The following FBLN7 variants were observed in gnomAD, a reference collection of about 807,000 sequenced individuals.
The protein encoded by FBLN7 is fibulin-7.
FBLN7 carries 31 observed loss-of-function variants against 44.0 expected under a neutral mutation model. The ratio of observed to expected loss-of-function variants is 0.70; its 90% CI spans 0.53 to 0.95. The LOEUF is 0.95. FBLN7 is among the 40% of genes least tolerant of loss of function. The pLI, the probability that FBLN7 is intolerant of heterozygous loss-of-function variation, is 0.00. For synonymous variants in FBLN7, 262 were observed against 253.4 expected, an observed-to-expected ratio of 1.03 and a Z score of -0.32; for missense variants, 573 against 618.5, an observed-to-expected ratio of 0.93 and a Z score of 0.78.
chr2:112,141,929 C>T (rs576625769), intron 1 of FBLN7, among the ~76,000 whole-genome samples: 1 of 152,352 alleles, frequency 6.6e-6, no homozygotes, highest in East Asian at 1.9e-4. Flanking sequence ...CAATCCCTGT[C>T]CCGCCACATC....
Position 112,140,341 on chromosome 2 carries a change from T to G in FBLN7, c.75+1611T>G, listed in dbSNP as rs564166065. On this transcript the variant is annotated intron_variant, in intron 1 of 7. Coordinates refer to ENST00000331203, the MANE Select transcript of FBLN7 (RefSeq NM_153214.3). ...CTGCCTCTCTCCAGGCCAGCATCCC[T>G]CCTTCCTCTCTCCCCTGTCCCGCGC... 1.8e-3 allele frequency among the ~76,000 whole-genome samples: 279 copies of G among 151,590 alleles called. 1 individual carries two copies. Among genetic ancestry groups the G allele is most frequent in the African/African-American group, 6.6e-3 (272 of 41,010 alleles).
chr2:112,231,907 A>G, the FBLN7 span: 3 of 1,588,418 alleles, frequency 1.9e-6, no homozygotes, highest in South Asian at 3.5e-5. Context: ...CTCCCTGATA[A>G]CATTTTGTTC....
chr2:112,146,998 T>C (rs1680930056), intron 1 of FBLN7, among the ~76,000 whole-genome samples: 1 of 152,246 alleles, frequency 6.6e-6, no homozygotes, highest in Non-Finnish European at 1.5e-5. Context: ...ACAATACTTA[T>C]TATGAATGGA....
intron 7 of FBLN7, 146 bp from the exon 8 acceptor site, chr2:112,186,988 G>A: frequency 2.1e-6 from 2 of 953,770 alleles, no homozygotes; most frequent in African/African-American, 1.6e-5. Context: ...CTCGTCCACA[G>A]CTCCATAGCT....
intron 2 of FBLN7, among the ~76,000 whole-genome samples, chr2:112,164,422 A>G (rs1682031357): frequency 6.6e-6 from 1 of 152,230 alleles, no homozygotes; most frequent in Non-Finnish European, 1.5e-5. Context: ...GGATGGTTAC[A>G]GATACTGAGA....
At chr2:112,167,108 G>T (rs1682201590) in intron 3 of FBLN7, among the ~76,000 whole-genome samples, 1 of 152,240 alleles carries the variant, frequency 6.6e-6, no homozygotes, top group African/African-American at 2.4e-5. Flanking sequence ...GCAAGCGAAA[G>T]CACATCTTAC....
chr2:112,165,931 G>T (rs1682131551), intron 3 of FBLN7, among the ~76,000 whole-genome samples: 1 of 152,246 alleles, frequency 6.6e-6, no homozygotes, highest in Admixed American at 6.5e-5. Context: ...TCAGAGCAAG[G>T]TTCGTGGGAC....
At chr2:112,174,109 CTCTGCCCACAACTTCACGGCCTAGTGA>C (rs1682616356) in intron 3 of FBLN7, among the ~76,000 whole-genome samples, 1 of 152,254 alleles carries the variant, frequency 6.6e-6, no homozygotes, top group Non-Finnish European at 1.5e-5. Context: ...TTTTCTGGCT[CTCTGCCCACAACTTCACGGCCTAGTGA>C]TCTGCCCACT....
At chr2:112,197,274 C>CACACACACACACACACAG in the FBLN7 span, among the ~76,000 whole-genome samples, 21 of 98,656 alleles carry the variant, frequency 2.1e-4, no homozygotes, top group Non-Finnish European at 4.5e-4. Flanking sequence ...CACACACACA[C>CACACACACACACACACAG]AGAGAGAGAG....
At chr2:112,151,637 T>C (rs1681165631) in intron 1 of FBLN7, 2 of 152,198 alleles carry the variant, frequency 1.3e-5, no homozygotes, top group Non-Finnish European at 2.9e-5. Context: ...AAACTTTCTC[T>C]CCCTTCTATA....
intron 1 of FBLN7, among the ~76,000 whole-genome samples, chr2:112,148,144 G>A (rs919760810): frequency 1.3e-5 from 2 of 152,150 alleles, no homozygotes; most frequent in African/African-American, 2.4e-5. Context: ...CTCCTTTCCG[G>A]CCTAGTATGG....
chr2:112,154,569 T>C (rs1160031721), intron 1 of FBLN7, among the ~76,000 whole-genome samples: 1 of 152,168 alleles, frequency 6.6e-6, no homozygotes, highest in Non-Finnish European at 1.5e-5. Flanking sequence ...CTTTTCACTG[T>C]TGGGACCTGG....
chr2:112,210,391 C>CA, the FBLN7 span, among the ~76,000 whole-genome samples: 16 of 152,032 alleles, frequency 1.1e-4, no homozygotes, highest in African/African-American at 3.1e-4. Flanking sequence ...CACGGTGCCT[C>CA]ACGCCTGTAA....
At chr2:112,195,222 C>T in the FBLN7 span, among the ~76,000 whole-genome samples, 18,844 of 152,168 alleles carry the variant, frequency 0.12, 1,971 homozygotes, top group African/African-American at 0.28. Context: ...AATCTGACCA[C>T]GTTTAATGAG....
chr2:112,200,404 T>C, the FBLN7 span, among the ~76,000 whole-genome samples: 1 of 152,222 alleles, frequency 6.6e-6, no homozygotes. Flanking sequence ...AATCACTAGC[T>C]ACATACTTGG....
the FBLN7 span, chr2:112,212,298 T>G: frequency 6.6e-6 from 1 of 152,356 alleles, no homozygotes; most frequent in Middle Eastern, 3.4e-3. Flanking sequence ...CAGTTAGTCC[T>G]AGGAGTCAGG....
chr2:112,169,820 G>A (rs139407783), intron 3 of FBLN7, among the ~76,000 whole-genome samples: 2 of 152,280 alleles, frequency 1.3e-5, no homozygotes, highest in East Asian at 1.9e-4. Flanking sequence ...AGAGTAAACA[G>A]CACGGGGCAA....
chr2:112,154,251 T>G (rs896381726), intron 1 of FBLN7, among the ~76,000 whole-genome samples: 13 of 152,224 alleles, frequency 8.5e-5, no homozygotes, highest in Admixed American at 6.5e-4. Context: ...TCGTCATTAT[T>G]TATTGTCAAT....
the FBLN7 span, among the ~76,000 whole-genome samples, chr2:112,219,183 G>A: frequency 6.6e-6 from 1 of 152,052 alleles, no homozygotes; most frequent in Admixed American, 6.6e-5. Context: ...CACTTCCTGA[G>A]TTCAATACAA....
Sources: allele counts gnomAD v4.1 joint callset (sites outside exome capture counted in the v4.1 genomes callset), GRCh38; gene constraint gnomAD v4.1.1; transcripts MANE v1.5; gene names NCBI Gene and HGNC (gene_info 2026-07-23, HGNC 2026-07-21).